Variants in RHPN2 observed in about 807,000 individuals in gnomAD.
RHPN2 encodes the protein rhophilin Rho GTPase binding protein 2, also known as rhophilin-2.
RHPN2 carries 40 observed loss-of-function variants against 79.0 expected under a neutral mutation model. The observed-to-expected ratio is 0.51, with a 90% CI of 0.39 to 0.66. RHPN2 has a LOEUF of 0.66. Among genes scored for constraint, RHPN2 ranks in the 30% least tolerant of loss-of-function variants. The probability of loss-of-function intolerance (pLI) is 0.00; values close to 1 mark genes in which losing one functional copy is unlikely to be tolerated. For missense variants in RHPN2, 686 were observed against 883.5 expected (o/e 0.78, Z 2.83); for synonymous variants, 285 against 363.5 (o/e 0.78, Z 2.46).
chr19:32,993,948 C>T lies in RHPN2; in HGVS notation c.1497+29G>A, dbSNP rs751767461. 4 of 1,538,596 alleles carry T rather than the reference C, an allele frequency of 2.6e-6. No individual in the cohort carries two copies. The Admixed American group carries it at 6.7e-5, about 26-fold the overall frequency. On this transcript the variant is annotated intron_variant, in intron 12 of 14. Transcript: ENST00000254260. Reference sequence around the variant, plus strand: ...AAAGTGAAGAGCTGTCCCCTTAGGTCATTTGAATGTAGAGAGCATTCAACA... The same window carrying T: ...AAAGTGAAGAGCTGTCCCCTTAGGTTATTTGAATGTAGAGAGCATTCAACA...
intron 10 of RHPN2, among the ~76,000 whole-genome samples, chr19:32,997,801 T>G (rs1197990755): frequency 6.6e-6 from 1 of 151,934 alleles, no homozygotes; most frequent in African/African-American, 2.4e-5. Context: ...AAGGAAAGCT[T>G]TGTGATATGG....
intron 1 of RHPN2, among the ~76,000 whole-genome samples, chr19:33,048,651 G>A (rs536622490): frequency 1.5e-4 from 22 of 146,254 alleles, no homozygotes; most frequent in African/African-American, 4.6e-4. Context: ...ACTTGAACCC[G>A]GGAGGCAGAG....
chr19:33,016,805 A>G (rs1179708732), intron 4 of RHPN2, among the ~76,000 whole-genome samples: 1 of 152,228 alleles, frequency 6.6e-6, no homozygotes, highest in Non-Finnish European at 1.5e-5. Context: ...AGTCTGCTGA[A>G]CCACTTCTGC....
chr19:33,039,216 G>T (rs1599830186), intron 2 of RHPN2, among the ~76,000 whole-genome samples: 1 of 152,248 alleles, frequency 6.6e-6, no homozygotes, highest in African/African-American at 2.4e-5. Flanking sequence ...TGAGGTGGCT[G>T]ATCAGCCAGA....
chr19:33,011,666 C>T lies in RHPN2; in HGVS notation c.593+13G>A. The T allele has an allele frequency of 1.2e-6, 2 of 1,613,958 alleles. No individual in the cohort carries two copies. The highest frequency in any genetic ancestry group is 4.5e-5 in the East Asian group (2 of 44,878). The stretch of plus-strand genomic sequence containing the variant: ...TAACACGTGAAGCGCCAGCGCAGAC[C>T]TCAAGCACCTACCAGGTGAACAGGA... On this transcript the variant is annotated intron_variant, in intron 6 of 14. Coordinates refer to ENST00000254260, the MANE Select transcript of RHPN2 (RefSeq NM_033103.5).
chr19:33,062,243 C>T (rs1322900138), intron 1 of RHPN2, among the ~76,000 whole-genome samples: 2 of 151,970 alleles, frequency 1.3e-5, no homozygotes, highest in Non-Finnish European at 2.9e-5. Context: ...GGTGGATCAC[C>T]TGAGGTCAGG....
intron 7 of RHPN2, among the ~76,000 whole-genome samples, chr19:33,004,929 A>G (rs1334548834): frequency 1.3e-5 from 2 of 151,668 alleles, no homozygotes; most frequent in Non-Finnish European, 2.9e-5. Context: ...TCCAAAACAC[A>G]TCTCTATTGA....
chr19:32,995,456 C>G (rs901623721), intron 11 of RHPN2, among the ~76,000 whole-genome samples: 1 of 152,054 alleles, frequency 6.6e-6, no homozygotes, highest in Non-Finnish European at 1.5e-5. Flanking sequence ...GCTACATACC[C>G]CCACCAGCAT....
At chr19:33,012,038 CTTTTTT>C (rs34140133) in intron 5 of RHPN2, among the ~76,000 whole-genome samples, 1 of 126,408 alleles carries the variant, frequency 7.9e-6, no homozygotes. Flanking sequence ...GGTTTTCCTT[CTTTTTT>C]TTTTTTTTTT....
At chr19:33,029,469 T>C (rs1971993118) in intron 2 of RHPN2, among the ~76,000 whole-genome samples, 1 of 141,154 alleles carries the variant, frequency 7.1e-6, no homozygotes, top group Non-Finnish European at 1.5e-5. Flanking sequence ...GAGCTTGCAG[T>C]GAGCTGAGAT....
chr19:32,994,396 G>A (rs1159585526), intron 11 of RHPN2, among the ~76,000 whole-genome samples: 2 of 151,018 alleles, frequency 1.3e-5, no homozygotes, highest in Admixed American at 1.3e-4. Context: ...ACTCCGGGGG[G>A]AAAAAAAAAG....
At chr19:32,998,160 A>G (rs374391170) in intron 10 of RHPN2, among the ~76,000 whole-genome samples, 1 of 152,312 alleles carries the variant, frequency 6.6e-6, no homozygotes, top group East Asian at 1.9e-4. Flanking sequence ...CAGTTTCCTC[A>G]GCTGTAAAAT....
intron 1 of RHPN2, among the ~76,000 whole-genome samples, chr19:33,048,979 CG>C (rs1972166504): frequency 6.6e-6 from 1 of 151,376 alleles, no homozygotes; most frequent in African/African-American, 2.4e-5. Context: ...TTTTTCTGTT[CG>C]TATACTTTCC....
intron 1 of RHPN2, among the ~76,000 whole-genome samples, chr19:33,054,954 G>C (rs113565485): frequency 6.6e-6 from 1 of 152,284 alleles, no homozygotes; most frequent in African/African-American, 2.4e-5. Context: ...TCCCACAGTT[G>C]AAGACTGTTG....
chr19:33,061,764 G>A (rs946648030), intron 1 of RHPN2, among the ~76,000 whole-genome samples: 2 of 151,876 alleles, frequency 1.3e-5, no homozygotes, highest in Non-Finnish European at 2.9e-5. Flanking sequence ...GATTACGGGT[G>A]TGAGCCACCA....
intron 7 of RHPN2, among the ~76,000 whole-genome samples, chr19:33,006,583 T>C (rs1455912338): frequency 1.3e-5 from 2 of 152,204 alleles, no homozygotes; most frequent in African/African-American, 4.8e-5. Flanking sequence ...CAACACGCTA[T>C]AGAGCTAGCG....
intron 1 of RHPN2, among the ~76,000 whole-genome samples, chr19:33,048,244 T>C (rs1972157610): frequency 6.6e-6 from 1 of 151,702 alleles, no homozygotes; most frequent in Admixed American, 6.6e-5. Flanking sequence ...TTAGTAGAGA[T>C]GGGGTTTCAC....
At chr19:33,052,543 C>G (rs1599835901) in intron 1 of RHPN2, among the ~76,000 whole-genome samples, 2 of 152,308 alleles carry the variant, frequency 1.3e-5, no homozygotes, top group East Asian at 3.9e-4. Context: ...ACTCAACCAC[C>G]AAACTCTGGA....
Position 33,028,586 on chromosome 19 carries a change from T to C in RHPN2, c.186-1954A>G, listed in dbSNP as rs564830585. On this transcript the variant is annotated intron_variant, in intron 2 of 14. Coordinates refer to ENST00000254260, the MANE Select transcript of RHPN2 (RefSeq NM_033103.5). Reference sequence around the variant, plus strand: ...ATCACAAGACATGTAAACTGAAAACTACAAAACAATGCTGAGATATATTAA... The same window carrying C: ...ATCACAAGACATGTAAACTGAAAACCACAAAACAATGCTGAGATATATTAA... 2.6e-5 allele frequency among the ~76,000 whole-genome samples: 4 copies of C among 152,232 alleles called. No homozygotes were observed. In the East Asian group the frequency reaches 7.7e-4, roughly 29 times the overall value.
Sources: gnomAD v4.1 joint callset for allele counts (sites outside exome capture counted in the v4.1 genomes callset) on GRCh38, gnomAD v4.1.1 for gene constraint, MANE v1.5 for transcripts, NCBI Gene and HGNC (gene_info 2026-07-23, HGNC 2026-07-21) for gene names.